The following ANKRD31 variants were observed in gnomAD, a reference collection of about 807,000 sequenced individuals.
ANKRD31 encodes ankyrin repeat domain 31, also known as ankyrin repeat domain-containing protein 31.
In ANKRD31, 147 loss-of-function variants were observed where a neutral mutation model predicts 186.0. The observed-to-expected ratio is 0.79, with a 90% CI of 0.69 to 0.91. The LOEUF (loss-of-function observed/expected upper bound fraction) is 0.91, where lower values mean the gene tolerates loss of function less well. Ranked by LOEUF, ANKRD31 falls within the 40% of genes least tolerant of loss-of-function variation. The pLI is 0.00. For synonymous variants in ANKRD31, 673 were observed against 736.4 expected, an observed-to-expected ratio of 0.91 and a Z score of 1.39; for missense variants, 1,986 against 2,148.8, an observed-to-expected ratio of 0.92 and a Z score of 1.50.
At chr5:75,189,015 T>C (rs941003972) in intron 9 of ANKRD31, among the ~76,000 whole-genome samples, 5 of 152,114 alleles carry the variant, frequency 3.3e-5, no homozygotes, top group Admixed American at 2.0e-4. Context: ...TAGAATAATA[T>C]ATTATCAAAT....
At chr5:75,211,277 C>T (rs1756626824) in intron 3 of ANKRD31, among the ~76,000 whole-genome samples, 1 of 152,202 alleles carries the variant, frequency 6.6e-6, no homozygotes, top group Non-Finnish European at 1.5e-5. Context: ...GTTTATTTCA[C>T]TTAGTATTCA....
At chr5:75,154,469 T>C in intron 11 of ANKRD31, 124 bp from the exon 12 acceptor site, 4 of 861,356 alleles carry the variant, frequency 4.6e-6, no homozygotes, top group East Asian at 6.4e-5. Context: ...GATTTATCTA[T>C]AAATCCTTGT....
chr5:75,169,984 T>C (rs1334613803), intron 10 of ANKRD31, among the ~76,000 whole-genome samples: 3 of 152,162 alleles, frequency 2.0e-5, no homozygotes, highest in African/African-American at 2.4e-5. Flanking sequence ...TGAGAACCAC[T>C]GCCTCAGGGA....
chr5:75,183,313 T>C (rs1754462399), intron 10 of ANKRD31, among the ~76,000 whole-genome samples: 1 of 152,158 alleles, frequency 6.6e-6, no homozygotes, highest in Admixed American at 6.6e-5. Flanking sequence ...TACCTTCATA[T>C]GAAACAGGGA....
chr5:75,193,398 T>G lies in ANKRD31; in HGVS notation c.1211A>C (p.His404Pro). 1 of 1,537,200 alleles carries G rather than the reference T, an allele frequency of 6.5e-7. No individual in the cohort carries two copies. Among genetic ancestry groups the G allele is most frequent in the Non-Finnish European group, 8.7e-7 (1 of 1,146,756 alleles). The change falls in exon 8 of 26, where the codon CAC becomes CCC. Residue 404 changes from histidine (H) to proline (P), a missense_variant. His to Pro is a moderately conservative substitution (Grantham distance 77). Transcript: ENST00000506364. ...KVSRDAKYSD[H>P]MYKMPEKILP... is the part of the protein sequence containing the mutation. The stretch of plus-strand genomic sequence containing the variant: ...AATCTTTTCTGGCATCTTATACATG[T>G]GATCTGAGTACTTTGCATCTCTGCT...
chr5:75,141,779 G>C (rs1751069039), intron 15 of ANKRD31, among the ~76,000 whole-genome samples: 1 of 152,038 alleles, frequency 6.6e-6, no homozygotes, highest in Non-Finnish European at 1.5e-5. Context: ...CTGTAGCCTG[G>C]GTGACAGACA....
At chr5:75,233,134 C>A (rs115790582) in intron 1 of ANKRD31, among the ~76,000 whole-genome samples, 2 of 151,330 alleles carry the variant, frequency 1.3e-5, no homozygotes, top group African/African-American at 4.9e-5. Flanking sequence ...ATAATCGCAG[C>A]TTACTGCAAC....
At chr5:75,102,774 A>G in intron 22 of ANKRD31, among the ~76,000 whole-genome samples, 1 of 151,986 alleles carries the variant, frequency 6.6e-6, no homozygotes, top group East Asian at 1.9e-4. Context: ...TGCTAAGACC[A>G]CTGGAAAAGC....
At chr5:75,108,825 T>C (rs1488519945) in intron 20 of ANKRD31, among the ~76,000 whole-genome samples, 1 of 152,174 alleles carries the variant, frequency 6.6e-6, no homozygotes, top group Non-Finnish European at 1.5e-5. Context: ...TTCAGCAGAT[T>C]TGACACTGTT....
At chr5:75,171,015 A>T (rs955999530) in intron 10 of ANKRD31, among the ~76,000 whole-genome samples, 13 of 152,074 alleles carry the variant, frequency 8.5e-5, no homozygotes, top group Non-Finnish European at 1.6e-4. Flanking sequence ...GAAACAGACA[A>T]TTCCACAATC....
chr5:75,224,178 T>C (rs182555632), intron 2 of ANKRD31, among the ~76,000 whole-genome samples: 6,618 of 124,178 alleles, frequency 0.053, 598 homozygotes, highest in African/African-American at 0.19. Context: ...TATATATATA[T>C]ACACACATTT....
In ANKRD31 at chr5:75,104,409, GA is replaced by G. The variant is rs1166843978; in HGVS notation, c.5149del (p.Ser1717LeufsTer23). 2.0e-6 allele frequency: 3 copies of G among 1,537,088 alleles called. No individual in the cohort carries two copies. Among genetic ancestry groups the G allele is most frequent in the Non-Finnish European group, 2.6e-6 (3 of 1,146,912 alleles). On this transcript the variant is annotated frameshift_variant, in exon 22 of 26. Transcript: ENST00000506364. LOFTEE classifies it high-confidence loss of function. Reference protein sequence around the residue: ...QMKPYLKKSVSVVPCADDSQI... With the variant: ...QMKPYLKKSVXVVPCADDSQI... ...ACTGTCATCTGCACATGGAACAACA[GA>G]AACTGATTTTTTAAGATATGGTTTC...
chr5:75,199,714 A>G (rs1438356941), intron 5 of ANKRD31, 40 bp from the exon 6 acceptor site: 4 of 1,502,004 alleles, frequency 2.7e-6, no homozygotes, highest in Non-Finnish European at 3.6e-6. Context: ...GTTTTATGGA[A>G]GCACTAAAAA....
In ANKRD31 at chr5:75,114,001, A is replaced by G. The variant is rs77040590; in HGVS notation, c.4156-1401T>C. Among the ~76,000 whole-genome samples the G allele has an allele frequency of 2.4e-3, 369 of 152,288 alleles. 8 individuals carry two copies. The East Asian group carries it at 0.062, about 25-fold the overall frequency. On this transcript the variant is annotated intron_variant, in intron 19 of 25. Coordinates refer to ENST00000506364, the MANE Select transcript of ANKRD31 (RefSeq NM_001372053.1). ...TACTCAGTCTCGGACACTGTGGGCCAAGACTTATCTAAAACAAGGTTTCAT... is the reference window on the plus strand; with the variant it reads ...TACTCAGTCTCGGACACTGTGGGCCGAGACTTATCTAAAACAAGGTTTCAT...
intron 10 of ANKRD31, among the ~76,000 whole-genome samples, chr5:75,175,955 G>A (rs551353353): frequency 1.2e-4 from 18 of 152,256 alleles, no homozygotes; most frequent in South Asian, 2.1e-4. Context: ...CCCGGGAAGC[G>A]CAAGGGGTCA....
chr5:75,133,228 G>C (rs567851386), intron 17 of ANKRD31, among the ~76,000 whole-genome samples: 3 of 152,100 alleles, frequency 2.0e-5, no homozygotes, highest in East Asian at 1.9e-4. Context: ...AAATTGGATA[G>C]AGTCAAGACC....
intron 22 of ANKRD31, among the ~76,000 whole-genome samples, chr5:75,094,403 G>A (rs994004855): frequency 2.0e-5 from 3 of 151,942 alleles, no homozygotes; most frequent in African/African-American, 7.3e-5. Context: ...AAAGGAAAAG[G>A]AATAATGCTC....
chr5:75,224,145 A>ATATATATATATATATG (rs57150850), intron 2 of ANKRD31, among the ~76,000 whole-genome samples: 1 of 73,514 alleles, frequency 1.4e-5, no homozygotes, highest in Non-Finnish European at 2.4e-5. Context: ...ATATATATAT[A>ATATATATATATATATG]TATATATATA....
chr5:75,210,401 C>T (rs551470267), intron 4 of ANKRD31, among the ~76,000 whole-genome samples: 54 of 152,224 alleles, frequency 3.5e-4, no homozygotes, highest in African/African-American at 1.2e-3. Flanking sequence ...CTGGAACTCC[C>T]GACCTCAGGT....
Sources: allele counts gnomAD v4.1 joint callset (sites outside exome capture counted in the v4.1 genomes callset), GRCh38; gene constraint gnomAD v4.1.1; transcripts MANE v1.5; gene names NCBI Gene and HGNC (gene_info 2026-07-23, HGNC 2026-07-21).